CLRN3: variants seen among roughly 807,000 people sequenced by gnomAD.
The protein encoded by CLRN3 is clarin-3.
CLRN3 carries 12 observed loss-of-function variants against 16.7 expected under a neutral mutation model. That is an observed-to-expected ratio of 0.72 (90% confidence interval 0.46 to 1.16). The LOEUF (loss-of-function observed/expected upper bound fraction) is 1.16. Among genes scored for constraint, CLRN3 ranks in the 50% most tolerant of loss-of-function variants. The pLI is 0.00. For missense variants in CLRN3, 296 were observed against 274.2 expected (o/e 1.08, Z -0.56); for synonymous variants, 118 against 113.0 (o/e 1.04, Z -0.28).
chr10:127,884,221 T>C (rs957978980), intron 1 of CLRN3, among the ~76,000 whole-genome samples: 1 of 152,240 alleles, frequency 6.6e-6, no homozygotes, highest in Non-Finnish European at 1.5e-5. Flanking sequence ...AAGGTGCTTT[T>C]CCCAGTTTCA....
intron 2 of CLRN3, among the ~76,000 whole-genome samples, chr10:127,880,916 TCTGTATACAAGCCCTTCTGCAGG>T (rs1845120622): frequency 6.6e-6 from 1 of 152,064 alleles, no homozygotes; most frequent in African/African-American, 2.4e-5. Flanking sequence ...TTAAGACATC[TCTGTATACAAGCCCTTCTGCAGG>T]CTGAGCCTCC....
At chr10:127,881,181 C>A (rs947225614) in intron 2 of CLRN3, among the ~76,000 whole-genome samples, 1 of 152,198 alleles carries the variant, frequency 6.6e-6, no homozygotes, top group African/African-American at 2.4e-5. Context: ...TTCTGCCCAC[C>A]TCACAGCCTC....
At chr10:127,883,563 C>T (rs1009581531) in intron 2 of CLRN3, 133 bp downstream of exon 2, 1 of 698,352 alleles carries the variant, frequency 1.4e-6, no homozygotes, top group Non-Finnish European at 2.6e-6. Flanking sequence ...CAGCCCTCAG[C>T]TCATGGGAGG....
At chr10:127,887,301 A>G (rs2135083957) in intron 1 of CLRN3, among the ~76,000 whole-genome samples, 1 of 152,290 alleles carries the variant, frequency 6.6e-6, no homozygotes, top group African/African-American at 2.4e-5. Context: ...TCCAGGATAT[A>G]TCCCAAAGTT....
chr10:127,878,548 TA>T (rs1303729441), intron 2 of CLRN3, 128 bp from the exon 3 acceptor site: 1 of 1,319,244 alleles, frequency 7.6e-7, no homozygotes, highest in Non-Finnish European at 1.0e-6. Flanking sequence ...TTTTAAGCAC[TA>T]GGGAGAAGGT....
At chr10:127,887,180 A>G (rs930326879) in intron 1 of CLRN3, among the ~76,000 whole-genome samples, 8 of 152,236 alleles carry the variant, frequency 5.3e-5, no homozygotes, top group African/African-American at 1.7e-4. Context: ...TACAGCACGT[A>G]GGACACACCT....
chr10:127,880,680 G>C (rs189567320), intron 2 of CLRN3, among the ~76,000 whole-genome samples: 2 of 152,092 alleles, frequency 1.3e-5, no homozygotes, highest in Non-Finnish European at 2.9e-5. Flanking sequence ...CAGAGGTCAC[G>C]GGAACCTAGG....
intron 1 of CLRN3, among the ~76,000 whole-genome samples, chr10:127,887,042 A>G (rs1366296466): frequency 6.6e-6 from 1 of 152,132 alleles, no homozygotes; most frequent in Non-Finnish European, 1.5e-5. Flanking sequence ...CCTCAGGTGA[A>G]ATTTCTTGCC....
intron 2 of CLRN3, among the ~76,000 whole-genome samples, chr10:127,882,157 AG>A (rs769392255): frequency 4.6e-5 from 7 of 152,338 alleles, no homozygotes; most frequent in Non-Finnish European, 1.0e-4. Context: ...GCCATAAGAA[AG>A]GGAAACAGTG....
chr10:127,883,824 A>C lies in CLRN3; in HGVS notation c.281T>G (p.Ile94Ser). Reference sequence around the variant, plus strand: ...GATCAAACTCAGGACCAGGAACAGGATAGTCACCGAATGCAGAGTTTTTTG... The same window carrying C: ...GATCAAACTCAGGACCAGGAACAGGCTAGTCACCGAATGCAGAGTTTTTTG... ...SSQKTLHSVT[I>S]LFLVLSLITS... The change falls in exon 2 of 3, where the codon ATC becomes AGC. Residue 94 changes from isoleucine (I) to serine (S), a missense_variant. Physicochemically the swap from Ile to Ser is moderately radical, Grantham distance 142. Coordinates refer to ENST00000368671, the MANE Select transcript of CLRN3 (RefSeq NM_152311.5). The C allele has an allele frequency of 6.2e-7, 1 of 1,614,216 alleles. No homozygotes were observed. The highest frequency in any genetic ancestry group is 8.5e-7 in the Non-Finnish European group (1 of 1,180,034).
intron 2 of CLRN3, among the ~76,000 whole-genome samples, chr10:127,881,923 G>A (rs762622754): frequency 1.3e-4 from 20 of 152,298 alleles, no homozygotes; most frequent in Middle Eastern, 3.4e-3. Context: ...ACCTTGACTC[G>A]AGCTGTGTCT....
chr10:127,890,989 G>T (rs1304936914), intron 1 of CLRN3, among the ~76,000 whole-genome samples: 1 of 152,224 alleles, frequency 6.6e-6, no homozygotes, highest in Non-Finnish European at 1.5e-5. Context: ...GCACTAGGAG[G>T]TTGGGCAGTG....
intron 1 of CLRN3, 37 bp downstream of exon 1, chr10:127,892,519 A>G: frequency 9.5e-7 from 1 of 1,047,772 alleles, no homozygotes. Flanking sequence ...CCTTAATTCA[A>G]TCTCACTATA....
intron 2 of CLRN3, among the ~76,000 whole-genome samples, chr10:127,878,903 C>G (rs1171812194): frequency 6.6e-6 from 1 of 152,072 alleles, no homozygotes; most frequent in African/African-American, 2.4e-5. Flanking sequence ...GGGAGAGGTC[C>G]CAGGGTCCTA....
chr10:127,883,979 T>G (rs867752100), intron 1 of CLRN3, 104 bp from the exon 2 acceptor site: 2 of 1,084,870 alleles, frequency 1.8e-6, no homozygotes, highest in Middle Eastern at 3.9e-4. Flanking sequence ...TACTGGTTGT[T>G]GGATGTCAGT....
At chr10:127,885,855 A>G (rs564195255) in intron 1 of CLRN3, among the ~76,000 whole-genome samples, 1 of 152,056 alleles carries the variant, frequency 6.6e-6, no homozygotes, top group East Asian at 1.9e-4. Context: ...TCCCGGGTTC[A>G]AGCAATTGTC....
intron 2 of CLRN3, among the ~76,000 whole-genome samples, chr10:127,880,074 G>A (rs573249225): frequency 6.6e-6 from 1 of 152,288 alleles, no homozygotes; most frequent in African/African-American, 2.4e-5. Context: ...ACTCCTTGAT[G>A]ACAGATCTTC....
chr10:127,878,550 G>A, intron 2 of CLRN3, 130 bp from the exon 3 acceptor site: 7 of 1,302,686 alleles, frequency 5.4e-6, no homozygotes, highest in Non-Finnish European at 7.2e-6. Context: ...TTAAGCACTA[G>A]GGAGAAGGTA....
rs115303466 is a variant in CLRN3, at chr10:127,883,916, C to T, written c.230-41G>A. 6,751 of 1,582,454 alleles carry T rather than the reference C, an allele frequency of 4.3e-3. 170 individuals are homozygous for T. The African/African-American group carries it at 0.073, about 17-fold the overall frequency. On this transcript the variant is annotated intron_variant, in intron 1 of 2. Transcript: ENST00000368671. ...GTGAGTGCATAGCACATAATGCAAA[C>T]ACCAGCTCTGGCCTGGCATTCCTCC...
Sources: allele counts gnomAD v4.1 joint callset (sites outside exome capture counted in the v4.1 genomes callset), GRCh38; gene constraint gnomAD v4.1.1; transcripts MANE v1.5; gene names NCBI Gene and HGNC (gene_info 2026-07-23, HGNC 2026-07-21).